Variants in PIKFYVE observed in about 807,000 individuals in gnomAD.
The protein encoded by PIKFYVE is 1-phosphatidylinositol 3-phosphate 5-kinase.
PIKFYVE carries 122 observed loss-of-function variants against 257.9 expected under a neutral mutation model. The observed-to-expected ratio is 0.47, with a 90% confidence interval of 0.41 to 0.55. The LOEUF is 0.55. Ranked by LOEUF, PIKFYVE falls within the 20% of genes least tolerant of loss-of-function variation. PIKFYVE has a pLI of 0.00. For synonymous variants in PIKFYVE, 892 were observed against 868.9 expected, an observed-to-expected ratio of 1.03 and a Z score of -0.47; for missense variants, 2,160 against 2,536.6, an observed-to-expected ratio of 0.85 and a Z score of 3.19.
At position 208,350,119 on chromosome 2, in the gene PIKFYVE, A is replaced by C. The variant is rs1699639193; in HGVS notation, c.5434+36A>C. 3 of 1,609,900 alleles carry C rather than the reference A, an allele frequency of 1.9e-6. No homozygotes were observed. The East Asian group carries it at 6.7e-5, about 36-fold the overall frequency. On this transcript the variant is annotated intron_variant, in intron 36 of 41. Coordinates refer to ENST00000264380, the MANE Select transcript of PIKFYVE (RefSeq NM_015040.4). ...GATATTATATCATTGGTTTGGGGAG[A>C]GGGACTACAGTTGAGCCATCTCTAT...
At chr2:208,345,323 T>C in intron 33 of PIKFYVE, 129 bp downstream of exon 33, 1 of 779,100 alleles carries the variant, frequency 1.3e-6, no homozygotes, top group East Asian at 2.8e-5. Context: ...GGCACTCATA[T>C]TTCAGCCAAT....
intron 32 of PIKFYVE, among the ~76,000 whole-genome samples, chr2:208,344,465 C>T (rs1202023739): frequency 1.3e-5 from 2 of 152,178 alleles, no homozygotes; most frequent in African/African-American, 2.4e-5. Context: ...AAGCTTCTCA[C>T]TTTATTTAAT....
At chr2:208,292,374 C>G (rs986054561) in intron 7 of PIKFYVE, among the ~76,000 whole-genome samples, 1 of 152,056 alleles carries the variant, frequency 6.6e-6, no homozygotes. Context: ...CTGGATGTAT[C>G]CATCTCTGAT....
chr2:208,341,781 T>C (rs751168618), intron 31 of PIKFYVE, among the ~76,000 whole-genome samples: 1 of 152,144 alleles, frequency 6.6e-6, no homozygotes, highest in Non-Finnish European at 1.5e-5. Flanking sequence ...TACCTCCTTA[T>C]ACCATAACAT....
chr2:208,294,435 C>A (rs1274509900), intron 7 of PIKFYVE, among the ~76,000 whole-genome samples: 1 of 152,112 alleles, frequency 6.6e-6, no homozygotes, highest in Non-Finnish European at 1.5e-5. Flanking sequence ...TGTCTTTGAA[C>A]TGTGTTTTTT....
At chr2:208,318,594 C>G (rs1695833164) in intron 16 of PIKFYVE, among the ~76,000 whole-genome samples, 1 of 152,172 alleles carries the variant, frequency 6.6e-6, no homozygotes, top group Non-Finnish European at 1.5e-5. Context: ...TGTTCTTAAC[C>G]TAACCCCTAG....
chr2:208,286,790 G>C (rs1164556200), intron 6 of PIKFYVE, among the ~76,000 whole-genome samples: 1 of 151,796 alleles, frequency 6.6e-6, no homozygotes. Flanking sequence ...AAAGTGCTGA[G>C]ATTACAGGCA....
At chr2:208,284,902 C>T (rs1292961236) in intron 5 of PIKFYVE, among the ~76,000 whole-genome samples, 1 of 151,620 alleles carries the variant, frequency 6.6e-6, no homozygotes, top group Non-Finnish European at 1.5e-5. Context: ...CTCCTGCCCT[C>T]AAACAGTCCT....
intron 5 of PIKFYVE, among the ~76,000 whole-genome samples, chr2:208,285,141 G>C (rs532002235): frequency 6.6e-6 from 1 of 152,178 alleles, no homozygotes; most frequent in African/African-American, 2.4e-5. Context: ...TGTTGCCCAG[G>C]CTGGAGTGCA....
chr2:208,305,621 C>T (rs1227187215), intron 12 of PIKFYVE: 1 of 396,908 alleles, frequency 2.5e-6, no homozygotes, highest in Non-Finnish European at 3.4e-6. Context: ...TGACCATATT[C>T]AAAAGATATT....
chr2:208,285,645 TA>T (rs1559056403), intron 5 of PIKFYVE, 80 bp from the exon 6 acceptor site: 2 of 1,235,658 alleles, frequency 1.6e-6, no homozygotes, highest in Non-Finnish European at 2.4e-6. Flanking sequence ...CCCAAGGAGT[TA>T]AAAAAGTTAC....
Position 208,305,971 on chromosome 2 carries a change from G to GTT in PIKFYVE, c.1636+961_1636+962dup, listed in dbSNP as rs1694269207. ...ACTTAGATCTGAAATGCTTGCCTAA[G>GTT]TTTTGCGCACTCTATTTCGAGCCTA... On this transcript the variant is annotated intron_variant, in intron 12 of 41. Transcript: ENST00000264380. Among the ~76,000 whole-genome samples, 4 of 152,142 alleles carry GTT rather than the reference G, an allele frequency of 2.6e-5. No individual in the cohort carries two copies. The South Asian group carries it at 8.3e-4, about 31-fold the overall frequency.
rs1450294572 is a variant in PIKFYVE at position 208,298,759 on chromosome 2, GA to G, written c.1031del (p.Asp344ValfsTer12). On this transcript the variant is annotated frameshift_variant, in exon 8 of 42. Coordinates refer to ENST00000264380, the MANE Select transcript of PIKFYVE (RefSeq NM_015040.4). LOFTEE classifies it high-confidence loss of function. Reference sequence around the variant, plus strand: ...ATATGTTAGGACAGAGACCACTGAGGATGAACGCAAAATTCTTCTGGTACTG... The same window carrying G: ...ATATGTTAGGACAGAGACCACTGAGGTGAACGCAAAATTCTTCTGGTACTG... ...RTYVRTETTE[D>X]ERKILLDSVQ... 2.5e-6 allele frequency: 4 copies of G among 1,614,000 alleles called. No individual in the cohort carries two copies. In the African/African-American group the frequency reaches 4.0e-5, roughly 16 times the overall value.
chr2:208,316,190 A>T (rs111490818), intron 15 of PIKFYVE, among the ~76,000 whole-genome samples: 1 of 151,890 alleles, frequency 6.6e-6, no homozygotes, highest in Non-Finnish European at 1.5e-5. Context: ...CCACGTCCCT[A>T]CAAAGGACAT....
At chr2:208,331,906 A>G (rs377439641) in intron 23 of PIKFYVE, among the ~76,000 whole-genome samples, 7 of 152,220 alleles carry the variant, frequency 4.6e-5, no homozygotes, top group South Asian at 2.1e-4. Flanking sequence ...TTGTTGTAGA[A>G]TATGTTAACT....
chr2:208,312,332 CT>C, intron 13 of PIKFYVE, 37 bp downstream of exon 13: 3 of 1,510,320 alleles, frequency 2.0e-6, no homozygotes, highest in South Asian at 1.2e-5. Context: ...AATGGTGTCT[CT>C]TTTTTTCATG....
At chr2:208,279,235 A>G (rs569758844) in intron 5 of PIKFYVE, among the ~76,000 whole-genome samples, 66 of 152,052 alleles carry the variant, frequency 4.3e-4, no homozygotes, top group African/African-American at 1.5e-3. Context: ...CTTTTGCCCA[A>G]TTTTTAATGG....
chr2:208,277,827 A>T (rs746844233), intron 5 of PIKFYVE, 119 bp downstream of exon 5: 26 of 1,055,658 alleles, frequency 2.5e-5, no homozygotes, highest in Non-Finnish European at 3.7e-5. Context: ...ACATGGGGAC[A>T]CAAAGGTGAG....
chr2:208,322,975 T>A (rs1050375872), intron 17 of PIKFYVE, among the ~76,000 whole-genome samples: 1 of 150,992 alleles, frequency 6.6e-6, no homozygotes, highest in African/African-American at 2.4e-5. Flanking sequence ...GATAGTTTGC[T>A]GAGAATGTTG....
Sources: allele counts gnomAD v4.1 joint callset (sites outside exome capture counted in the v4.1 genomes callset), GRCh38; gene constraint gnomAD v4.1.1; transcripts MANE v1.5; gene names NCBI Gene and HGNC (gene_info 2026-07-23, HGNC 2026-07-21).